CROT: variants seen among roughly 807,000 people sequenced by gnomAD.
The protein encoded by CROT is carnitine O-octanoyltransferase.
A neutral mutation model predicts 89.2 loss-of-function variants in CROT; 84 were observed. The observed-to-expected ratio is 0.94, with a 90% confidence interval of 0.79 to 1.13. The LOEUF is 1.13. CROT is among the 50% of genes most tolerant of loss of function. CROT has a pLI of 0.00. For synonymous variants in CROT, 212 were observed against 239.5 expected (o/e 0.89, Z 1.06); for missense variants, 711 against 727.8 (o/e 0.98, Z 0.27).
At chr7:87,350,021 G>A (rs1475023455) in intron 3 of CROT, among the ~76,000 whole-genome samples, 1 of 152,092 alleles carries the variant, frequency 6.6e-6, no homozygotes, top group Non-Finnish European at 1.5e-5. Flanking sequence ...TGAAACAGCT[G>A]CTAAACTATT....
chr7:87,375,523 GTAA>G lies in CROT; in HGVS notation c.657-106_657-104del, dbSNP rs375390435. 8.0e-4 allele frequency: 554 copies of G among 694,956 alleles called. 6 individuals carry two copies. In the African/African-American group the frequency reaches 8.5e-3, roughly 11 times the overall value. The allele number at this position is 694,956 out of a possible 1,614,324, so 43.0% of individuals were successfully genotyped here. A position where few individuals can be genotyped will look rare whatever the true frequency, so the allele number is the denominator to read the frequency against. ...TTGGCATCATAAGTGGTTTCTTTGG[GTAA>G]TATATCCAAACATTTAAATATTGAT... is the stretch of plus-strand genomic sequence containing the variant. On this transcript the variant is annotated intron_variant, in intron 7 of 17. Coordinates refer to ENST00000331536, the MANE Select transcript of CROT (RefSeq NM_021151.4).
At chr7:87,386,050 T>C (rs1248321302) in intron 13 of CROT, among the ~76,000 whole-genome samples, 1 of 152,236 alleles carries the variant, frequency 6.6e-6, no homozygotes, top group African/African-American at 2.4e-5. Flanking sequence ...TTTAATGTGC[T>C]GTTGAGTTCA....
At chr7:87,379,774 T>C (rs1806932614) in intron 10 of CROT, among the ~76,000 whole-genome samples, 1 of 152,152 alleles carries the variant, frequency 6.6e-6, no homozygotes, top group Non-Finnish European at 1.5e-5. Context: ...CCTAAGATGA[T>C]TATAGAGGGT....
chr7:87,378,492 C>T (rs576664426), intron 10 of CROT, among the ~76,000 whole-genome samples: 1 of 152,136 alleles, frequency 6.6e-6, no homozygotes, highest in Non-Finnish European at 1.5e-5. Flanking sequence ...CTTCAATGTT[C>T]AAATGCTTTC....
At chr7:87,354,454 A>C (rs1437816367) in intron 3 of CROT, 2 of 504,280 alleles carry the variant, frequency 4.0e-6, no homozygotes, top group African/African-American at 3.9e-5. Context: ...GGATTACCTC[A>C]CTCTTAGGAA....
chr7:87,391,122 C>T (rs1807343620), intron 13 of CROT, among the ~76,000 whole-genome samples: 1 of 152,228 alleles, frequency 6.6e-6, no homozygotes, highest in Non-Finnish European at 1.5e-5. Context: ...CAGTTTTCTG[C>T]CGCTAGGGCC....
At chr7:87,389,007 C>A (rs1253156977) in intron 13 of CROT, among the ~76,000 whole-genome samples, 3 of 151,988 alleles carry the variant, frequency 2.0e-5, no homozygotes, top group East Asian at 3.9e-4. Flanking sequence ...ATGTGGCCAA[C>A]AAACAAATGA....
At chr7:87,362,041 A>G (rs182304422) in intron 6 of CROT, among the ~76,000 whole-genome samples, 189 bp downstream of exon 6, 1 of 152,340 alleles carries the variant, frequency 6.6e-6, no homozygotes, top group East Asian at 1.9e-4. Context: ...TTCTAAATGT[A>G]TCTTACATGG....
chr7:87,374,285 A>T (rs1189904320), intron 7 of CROT, among the ~76,000 whole-genome samples: 6 of 152,060 alleles, frequency 3.9e-5, no homozygotes, highest in Non-Finnish European at 7.4e-5. Flanking sequence ...TTGGGCAGTT[A>T]TGTGACCTTT....
intron 7 of CROT, among the ~76,000 whole-genome samples, chr7:87,371,109 A>AC (rs1806616681): frequency 6.6e-6 from 1 of 152,176 alleles, no homozygotes; most frequent in Non-Finnish European, 1.5e-5. Context: ...TTTAATCTTT[A>AC]CCATACAGAT....
intron 6 of CROT, among the ~76,000 whole-genome samples, chr7:87,363,560 G>T (rs1806348028): frequency 6.6e-6 from 1 of 152,178 alleles, no homozygotes. Flanking sequence ...ATGGAGCAGA[G>T]TACACAGGAG....
At chr7:87,383,458 T>C (rs1359909512) in intron 13 of CROT, among the ~76,000 whole-genome samples, 1 of 152,124 alleles carries the variant, frequency 6.6e-6, no homozygotes, top group African/African-American at 2.4e-5. Context: ...TTTGTTTTTT[T>C]ATTTTGGCTG....
At chr7:87,359,081 T>C (rs1475169599) in intron 3 of CROT, 125 bp from the exon 4 acceptor site, 1 of 683,548 alleles carries the variant, frequency 1.5e-6, no homozygotes, top group Admixed American at 2.8e-5. Flanking sequence ...ATTGTTCTGC[T>C]CTGCTATTTA....
intron 4 of CROT, chr7:87,359,639 G>A (rs984329867): frequency 9.2e-7 from 1 of 1,087,624 alleles, no homozygotes; most frequent in Non-Finnish European, 1.1e-6. Flanking sequence ...CATGCTGAAG[G>A]AAAACATTTT....
Position 87,399,323 on chromosome 7 carries a change from C to G in CROT, c.*679C>G, listed in dbSNP as rs370373603. ...GGTCCTGTCTCTACAAGATCAAAAA[C>G]TTAGCCGGGTATGGTGGTGCATGTG... On this transcript the variant is annotated 3_prime_UTR_variant, in exon 18 of 18. Transcript: ENST00000331536. 7.9e-5 allele frequency: 12 copies of G among 152,254 alleles called. No homozygotes were observed. The East Asian group carries it at 1.4e-3, about 17-fold the overall frequency. 9.4% of individuals were successfully genotyped at this position (152,254 alleles called of 1,614,324 possible).
intron 10 of CROT, among the ~76,000 whole-genome samples, 174 bp from the exon 11 acceptor site, chr7:87,381,736 G>A (rs921278116): frequency 2.0e-5 from 3 of 152,090 alleles, no homozygotes; most frequent in African/African-American, 4.8e-5. Context: ...ATAAAATATA[G>A]CAGTTACTGA....
At chr7:87,356,425 C>G (rs1365093488) in intron 3 of CROT, among the ~76,000 whole-genome samples, 1 of 151,984 alleles carries the variant, frequency 6.6e-6, no homozygotes, top group East Asian at 1.9e-4. Context: ...TTTTACAGTT[C>G]TGGTTGAACT....
intron 17 of CROT, among the ~76,000 whole-genome samples, chr7:87,394,027 A>C (rs1280749771): frequency 6.6e-6 from 1 of 152,210 alleles, no homozygotes; most frequent in African/African-American, 2.4e-5. Flanking sequence ...ACACAAATCT[A>C]CTATACAAAG....
chr7:87,397,773 T>G (rs2116251838), intron 17 of CROT, among the ~76,000 whole-genome samples: 2 of 152,376 alleles, frequency 1.3e-5, no homozygotes, highest in Middle Eastern at 6.8e-3. Context: ...TTTGTTTAAC[T>G]TAAAGCACAT....
Sources: allele counts gnomAD v4.1 joint callset (sites outside exome capture counted in the v4.1 genomes callset), GRCh38; gene constraint gnomAD v4.1.1; transcripts MANE v1.5; gene names NCBI Gene and HGNC (gene_info 2026-07-23, HGNC 2026-07-21).